Variants in KIAA1549L observed in about 807,000 individuals in gnomAD.
KIAA1549L encodes the protein UPF0606 protein KIAA1549L.
A neutral mutation model predicts 160.7 loss-of-function variants in KIAA1549L; 88 were observed. That is an observed-to-expected ratio of 0.55 (90% CI 0.46 to 0.65). The LOEUF is 0.65. Among genes scored for constraint, KIAA1549L ranks in the 30% least tolerant of loss-of-function variants. KIAA1549L has a pLI of 0.00. For missense variants in KIAA1549L, 2,258 were observed against 2,437.5 expected (o/e 0.93, Z 1.55); for synonymous variants, 950 against 976.7 (o/e 0.97, Z 0.51).
intron 10 of KIAA1549L, 99 bp from the exon 11 acceptor site, chr11:33,583,239 C>T: frequency 8.7e-7 from 1 of 1,150,404 alleles, no homozygotes; most frequent in Non-Finnish European, 1.2e-6. Context: ...CCACGTCCTT[C>T]TGTCCAGGAC....
chr11:33,573,540 G>A (rs1428590368), intron 9 of KIAA1549L, among the ~76,000 whole-genome samples: 1 of 152,128 alleles, frequency 6.6e-6, no homozygotes, highest in Non-Finnish European at 1.5e-5. Context: ...CATCATGTGA[G>A]TATACAGTAG....
chr11:33,501,355 T>C (rs547671624), intron 1 of KIAA1549L, among the ~76,000 whole-genome samples: 10 of 152,348 alleles, frequency 6.6e-5, no homozygotes, highest in African/African-American at 2.4e-4. Flanking sequence ...ATTAAGCAGA[T>C]TTAGATAACA....
chr11:33,632,976 C>T (rs1443912444), intron 16 of KIAA1549L, among the ~76,000 whole-genome samples: 1 of 150,636 alleles, frequency 6.6e-6, no homozygotes, highest in African/African-American at 2.4e-5. Context: ...TGTTTTTTGT[C>T]GTTGTTGTTT....
intron 1 of KIAA1549L, among the ~76,000 whole-genome samples, chr11:33,394,013 G>A (rs887712893): frequency 3.3e-5 from 5 of 152,124 alleles, no homozygotes; most frequent in Non-Finnish European, 5.9e-5. Flanking sequence ...CAGCACTAGC[G>A]GTGGGATGGA....
In KIAA1549L at chr11:33,502,278, T is replaced by C. The variant is rs112138422; in HGVS notation, c.239-39524T>C. Among the ~76,000 whole-genome samples, 195 of 152,300 alleles carry C rather than the reference T, an allele frequency of 1.3e-3. 4 individuals are homozygous for C. The highest frequency in any genetic ancestry group is 4.5e-3 in the African/African-American group (188 of 41,564). ...AGTCAGCTTTAATCGGGGATTTTTA[T>C]GTTGCTACCTTCAGGCTTGGAGAGG... On this transcript the variant is annotated intron_variant, in intron 1 of 20. Transcript: ENST00000658780.
Position 33,376,243 on chromosome 11 carries a change from G to A in KIAA1549L, c.-409G>A, listed in dbSNP as rs1328972092. On this transcript the variant is annotated 5_prime_UTR_variant, in exon 1 of 21. Transcript: ENST00000658780. The surrounding 1 kb of genome is among the most constrained non-coding windows in gnomAD (Gnocchi z 5.8). ...ACAGCGGGGCGCCGAGGCTGCAGCG[G>A]CGGCGGGAGGGAGGGACCCGAGCGC... is the stretch of plus-strand genomic sequence containing the variant. Among the ~76,000 whole-genome samples the A allele has an allele frequency of 6.7e-6, 1 of 148,504 alleles. No individual in the cohort carries two copies. The highest frequency in any genetic ancestry group is 1.5e-5 in the Non-Finnish European group (1 of 66,654).
intron 1 of KIAA1549L, among the ~76,000 whole-genome samples, chr11:33,511,565 A>T (rs186469029): frequency 2.0e-5 from 3 of 152,336 alleles, no homozygotes; most frequent in African/African-American, 7.2e-5. Flanking sequence ...AGTTCCATCA[A>T]ACATTGAAAT....
chr11:33,469,864 ATTAT>A (rs1852141646), intron 1 of KIAA1549L, among the ~76,000 whole-genome samples: 2 of 152,220 alleles, frequency 1.3e-5, no homozygotes, highest in Admixed American at 1.3e-4. Context: ...CAAAAATTGG[ATTAT>A]TTGTCTTTTC....
At chr11:33,616,315 A>C (rs761159689) in intron 15 of KIAA1549L, among the ~76,000 whole-genome samples, 1 of 152,094 alleles carries the variant, frequency 6.6e-6, no homozygotes, top group African/African-American at 2.4e-5. Flanking sequence ...TAGAAACCCC[A>C]ATACCAAGAG....
intron 15 of KIAA1549L, among the ~76,000 whole-genome samples, chr11:33,610,204 C>A (rs1850615059): frequency 6.6e-6 from 1 of 151,940 alleles, no homozygotes; most frequent in Non-Finnish European, 1.5e-5. Context: ...TGTCCATCAG[C>A]TTAATGGTAT....
intron 17 of KIAA1549L, among the ~76,000 whole-genome samples, chr11:33,654,396 C>T (rs1851992127): frequency 6.6e-6 from 1 of 152,192 alleles, no homozygotes; most frequent in Non-Finnish European, 1.5e-5. Flanking sequence ...TTTAACTTCA[C>T]TTTTCTGGTG....
At chr11:33,492,268 T>C (rs1450397012) in intron 1 of KIAA1549L, among the ~76,000 whole-genome samples, 3 of 152,128 alleles carry the variant, frequency 2.0e-5, no homozygotes, top group Non-Finnish European at 4.4e-5. Flanking sequence ...CTGGGGAGGC[T>C]GAGGCAGGAG....
intron 20 of KIAA1549L, among the ~76,000 whole-genome samples, chr11:33,662,862 A>T (rs1852313442): frequency 6.6e-6 from 1 of 152,200 alleles, no homozygotes; most frequent in African/African-American, 2.4e-5. Flanking sequence ...ATGGAAATGT[A>T]ACCTTCCTGC....
chr11:33,646,018 G>T lies in KIAA1549L; in HGVS notation c.5742G>T (p.Gln1914His). 1 of 1,586,910 alleles carries T rather than the reference G, an allele frequency of 6.3e-7. No individual in the cohort carries two copies. Among genetic ancestry groups the T allele is most frequent in the Non-Finnish European group, 8.6e-7 (1 of 1,166,536 alleles). ...CGACCTACCGCCCAGAAATGTATCAGTACAGTCTGCCCCGGCCGGTAAGTC... is the reference window on the plus strand; with the variant it reads ...CGACCTACCGCCCAGAAATGTATCATTACAGTCTGCCCCGGCCGGTAAGTC... ...WVPTYRPEMY[Q>H]YSLPRPAYRF... is the part of the protein sequence containing the mutation. Residue 1914 changes from glutamine to histidine, a missense_variant, in exon 17 of 21, where the codon CAG becomes CAT. Gln to His is a conservative substitution (Grantham distance 24). Around this residue, in one of 6 missense-constraint regions of KIAA1549L, gnomAD observed 1,359 missense variants for 1,546.6 expected, o/e 0.88. Coordinates refer to ENST00000658780, the MANE Select transcript of KIAA1549L (RefSeq NM_012194.3).
intron 7 of KIAA1549L, among the ~76,000 whole-genome samples, chr11:33,561,097 G>A (rs1252417366): frequency 2.0e-5 from 3 of 152,158 alleles, no homozygotes; most frequent in African/African-American, 7.2e-5. Flanking sequence ...AGAAATATGG[G>A]CCTTTTGTTA....
chr11:33,559,621 T>C (rs944549500), intron 6 of KIAA1549L, 128 bp from the exon 7 acceptor site: 1 of 710,790 alleles, frequency 1.4e-6, no homozygotes, highest in South Asian at 1.7e-5. Flanking sequence ...TGTTCCTTGC[T>C]GTTTCCCTGA....
intron 8 of KIAA1549L, among the ~76,000 whole-genome samples, chr11:33,565,566 A>T (rs1855020127): frequency 6.6e-6 from 1 of 152,154 alleles, no homozygotes; most frequent in Non-Finnish European, 1.5e-5. Flanking sequence ...CCTGCCCCCA[A>T]ATCCAGCTCT....
rs1256637411 is a variant in KIAA1549L at position 33,481,245 on chromosome 11, TG to T, written c.239-60556del. Reference sequence around the variant, plus strand: ...TAGTAAAACTTTCATCAATTATGTTTGTCGTATTTTGATATTACTATTTATT... The same window carrying T: ...TAGTAAAACTTTCATCAATTATGTTTTCGTATTTTGATATTACTATTTATT... On this transcript the variant is annotated intron_variant, in intron 1 of 20. Coordinates refer to ENST00000658780, the MANE Select transcript of KIAA1549L (RefSeq NM_012194.3). 1.3e-5 allele frequency among the ~76,000 whole-genome samples: 2 copies of T among 152,262 alleles called. 1 individual carries two copies. The highest frequency in any genetic ancestry group is 4.8e-5 in the African/African-American group (2 of 41,510).
At position 33,542,679 on chromosome 11, in the gene KIAA1549L, C is replaced by T. The variant is rs944892355; in HGVS notation, c.1116C>T (p.Pro372=). The change falls in exon 2 of 21, where the codon CCC becomes CCT. Residue 372 remains proline (P), a synonymous_variant. Coordinates refer to ENST00000658780, the MANE Select transcript of KIAA1549L (RefSeq NM_012194.3). The stretch of plus-strand genomic sequence containing the variant: ...TTCTTCAGCTTCCAGATGGAAGCCC[C>T]TCATGGTCAATGTTGGAAGTGGCTT... ...GSLLQLPDGS[P]SWSMLEVASG... The T allele has an allele frequency of 3.1e-6, 5 of 1,613,792 alleles. No homozygotes were observed. Among genetic ancestry groups the T allele is most frequent in the Admixed American group, 1.7e-5 (1 of 59,986 alleles).
Sources: gnomAD v4.1 joint callset for allele counts (sites outside exome capture counted in the v4.1 genomes callset) on GRCh38, gnomAD v4.1.1 for gene constraint, gnomAD v4.1.1 regional missense constraint, Gnocchi (gnomAD v3.1) non-coding constraint, MANE v1.5 for transcripts, NCBI Gene and HGNC (gene_info 2026-07-23, HGNC 2026-07-21) for gene names.